DNAJB6: variants seen among roughly 807,000 people sequenced by gnomAD.
DNAJB6 encodes the protein dnaJ homolog subfamily B member 6.
Under a neutral mutation model 42.7 loss-of-function variants are expected in DNAJB6, and 16 were observed. That is an observed-to-expected ratio of 0.37 (90% confidence interval 0.25 to 0.57). The LOEUF (loss-of-function observed/expected upper bound fraction) is 0.57, where lower values mean the gene tolerates loss of function less well. DNAJB6 is among the 20% of genes least tolerant of loss of function. The pLI is 0.74. For missense variants in DNAJB6, 347 were observed against 416.8 expected (o/e 0.83, Z 1.46); for synonymous variants, 170 against 163.5 (o/e 1.04, Z -0.30).
At chr7:157,357,150 AAAAAC>A (rs1384769195) in intron 1 of DNAJB6, among the ~76,000 whole-genome samples, 1 of 150,524 alleles carries the variant, frequency 6.6e-6, no homozygotes, top group Non-Finnish European at 1.5e-5. Context: ...AAAAAAAACA[AAAAAC>A]AAAAACCAAG....
rs994624000 is a variant in DNAJB6 at position 157,363,242 on chromosome 7, A to G, written c.147A>G (p.Val49=). The G allele has an allele frequency of 1.9e-6, 3 of 1,611,148 alleles. No homozygotes were observed. In the South Asian group the frequency reaches 3.3e-5, roughly 18 times the overall value. The stretch of plus-strand genomic sequence containing the variant: ...AAGCAGAGAGAAAATTCAAGCAAGT[A>G]GCGGAGGCATATGAAGTGCTGTCGG... ...KEEAERKFKQ[V]AEAYEVLSDA... The change falls in exon 3 of 10, where the codon GTA becomes GTG. Residue 49 remains valine (V), a synonymous_variant. Coordinates refer to ENST00000262177, the MANE Select transcript of DNAJB6 (RefSeq NM_058246.4).
chr7:157,382,117 T>A, intron 5 of DNAJB6, 129 bp from the exon 6 acceptor site: 1 of 1,036,828 alleles, frequency 9.6e-7, no homozygotes, highest in Non-Finnish European at 1.3e-6. Flanking sequence ...TAAGCTCTTT[T>A]GTTAAAACCT....
At chr7:157,387,572 C>T (rs1801132603) in intron 8 of DNAJB6, among the ~76,000 whole-genome samples, 1 of 152,138 alleles carries the variant, frequency 6.6e-6, no homozygotes, top group South Asian at 2.1e-4. Context: ...CAGGGATGTC[C>T]AGAAATACCA....
At chr7:157,363,428 G>A (rs1271647209) in intron 3 of DNAJB6, among the ~76,000 whole-genome samples, 158 bp downstream of exon 3, 2 of 152,158 alleles carry the variant, frequency 1.3e-5, no homozygotes, top group African/African-American at 2.4e-5. Context: ...TACTTTTCTC[G>A]TGAAGATTTG....
chr7:157,382,013 T>A (rs1230596465), intron 5 of DNAJB6: 2 of 362,752 alleles, frequency 5.5e-6, no homozygotes, highest in Non-Finnish European at 9.8e-6. Flanking sequence ...TAATTAAGTC[T>A]GGTAATTTAT....
chr7:157,410,229 C>A, intron 9 of DNAJB6: 1 of 1,069,062 alleles, frequency 9.4e-7, no homozygotes, highest in Non-Finnish European at 1.3e-6. Context: ...GTCCGCGTGT[C>A]CTGTACGCAG....
intron 5 of DNAJB6, among the ~76,000 whole-genome samples, chr7:157,371,207 C>T (rs1384798856): frequency 1.3e-5 from 2 of 152,250 alleles, no homozygotes; most frequent in African/African-American, 4.8e-5. Flanking sequence ...TCCATGAAAC[C>T]AGTCCCTGGT....
At chr7:157,357,984 G>A (rs12698050) in intron 1 of DNAJB6, among the ~76,000 whole-genome samples, 83,999 of 152,032 alleles carry the variant, frequency 0.55, 23,528 homozygotes, top group East Asian at 0.75. Context: ...AACGCTAACT[G>A]CTGTGTAGTC....
chr7:157,399,950 T>G (rs1801770310), intron 8 of DNAJB6, among the ~76,000 whole-genome samples: 1 of 152,176 alleles, frequency 6.6e-6, no homozygotes, highest in Non-Finnish European at 1.5e-5. Context: ...ATGACAGACG[T>G]GAGCCGCCGC....
chr7:157,363,820 G>T (rs1311617775), intron 3 of DNAJB6, among the ~76,000 whole-genome samples: 1 of 152,168 alleles, frequency 6.6e-6, no homozygotes, highest in Non-Finnish European at 1.5e-5. Context: ...CATTGGCCTA[G>T]TTCACAAATG....
intron 8 of DNAJB6, among the ~76,000 whole-genome samples, chr7:157,404,442 A>G (rs1305213055): frequency 6.8e-6 from 1 of 146,240 alleles, no homozygotes; most frequent in Non-Finnish European, 1.5e-5. Flanking sequence ...TAGGCGTGCA[A>G]CAGCGCACTG....
intron 7 of DNAJB6, 115 bp downstream of exon 7, chr7:157,385,123 GC>G: frequency 9.0e-7 from 1 of 1,110,764 alleles, no homozygotes; most frequent in Admixed American, 2.8e-5. Flanking sequence ...TAAATCTGGC[GC>G]CATGAAAATC....
intron 1 of DNAJB6, among the ~76,000 whole-genome samples, chr7:157,344,108 A>T (rs187283398): frequency 2.0e-5 from 3 of 152,276 alleles, no homozygotes; most frequent in African/African-American, 7.2e-5. Context: ...TGGGAGGCCA[A>T]GGTGGTCAGA....
intron 8 of DNAJB6, among the ~76,000 whole-genome samples, chr7:157,405,574 A>G (rs1795735563): frequency 6.6e-6 from 1 of 152,146 alleles, no homozygotes; most frequent in African/African-American, 2.4e-5. Context: ...TCAGCCCTGA[A>G]CATGGAGAGC....
intron 3 of DNAJB6, among the ~76,000 whole-genome samples, chr7:157,365,506 GT>G (rs1485949989): frequency 6.6e-6 from 1 of 152,198 alleles, no homozygotes; most frequent in Non-Finnish European, 1.5e-5. Flanking sequence ...TGGCATGTTT[GT>G]TTTCGTGCTG....
chr7:157,405,312 T>G (rs1309946677), intron 8 of DNAJB6, among the ~76,000 whole-genome samples: 1 of 152,174 alleles, frequency 6.6e-6, no homozygotes, highest in Non-Finnish European at 1.5e-5. Context: ...TGCTGAGTTG[T>G]GTGTTCCTCG....
At chr7:157,377,109 T>G (rs899279586) in intron 5 of DNAJB6, among the ~76,000 whole-genome samples, 3 of 152,176 alleles carry the variant, frequency 2.0e-5, no homozygotes, top group Non-Finnish European at 2.9e-5. Context: ...TTAGAGACAA[T>G]AGATGACAAA....
intron 8 of DNAJB6, among the ~76,000 whole-genome samples, chr7:157,394,404 G>A (rs1215317203): frequency 1.3e-5 from 2 of 152,080 alleles, no homozygotes; most frequent in Non-Finnish European, 2.9e-5. Context: ...GGTGGCTCAC[G>A]CCTGTATTCC....
chr7:157,409,257 C>T (rs552354901), intron 8 of DNAJB6, among the ~76,000 whole-genome samples: 1 of 152,256 alleles, frequency 6.6e-6, no homozygotes, highest in East Asian at 1.9e-4. Flanking sequence ...TGTGCGGGGC[C>T]AGAGCTGGAG....
Sources: allele counts gnomAD v4.1 joint callset (sites outside exome capture counted in the v4.1 genomes callset), GRCh38; gene constraint gnomAD v4.1.1; transcripts MANE v1.5; gene names NCBI Gene and HGNC (gene_info 2026-07-23, HGNC 2026-07-21).